Variants in LRP1 observed in about 807,000 individuals in gnomAD.
LRP1 encodes prolow-density lipoprotein receptor-related protein 1.
A neutral mutation model predicts 541.5 loss-of-function variants in LRP1; 51 were observed. The observed-to-expected ratio is 0.09, with a 90% confidence interval of 0.08 to 0.12. LRP1 has a LOEUF of 0.12. Among genes scored for constraint, LRP1 ranks in the 10% least tolerant of loss-of-function variants. The probability of loss-of-function intolerance (pLI) is 1.00; values close to 1 mark genes in which losing one functional copy is unlikely to be tolerated. For missense variants in LRP1, 3,878 were observed against 6,376.2 expected (o/e 0.61, Z 13.34); for synonymous variants, 2,219 against 2,470.8 (o/e 0.90, Z 3.02).
intron 77 of LRP1, 150 bp downstream of exon 77, chr12:57,208,366 C>A (rs902094065): frequency 2.5e-6 from 2 of 809,486 alleles, no homozygotes; most frequent in Non-Finnish European, 1.9e-6. Flanking sequence ...CTCGGCCACC[C>A]CTGCCTGGCC....
intron 42 of LRP1, among the ~76,000 whole-genome samples, chr12:57,188,399 C>T (rs772587413): frequency 1.3e-5 from 2 of 152,170 alleles, no homozygotes; most frequent in Admixed American, 6.5e-5. Context: ...GTGAGTGTCC[C>T]GAACCCAGAT....
Position 57,211,492 on chromosome 12 carries a change from C to T in LRP1, c.13097C>T (p.Thr4366Met), listed in dbSNP as rs532522583. The T allele has an allele frequency of 4.5e-5, 72 of 1,613,742 alleles. No homozygotes were observed. Among genetic ancestry groups the T allele is most frequent in the South Asian group, 1.4e-4 (13 of 91,082 alleles). The change falls in exon 85 of 89, where the codon ACG (threonine) becomes ATG (methionine). Residue 4366 changes from threonine to methionine, a missense_variant. Transcript: ENST00000243077. This position sits in a 1 kb window ranked among gnomAD's most constrained non-coding sequence, Gnocchi z 4.3. ...CCTCTGATTCCTTCCTGCAGCTGCA[C>T]GGATGGCCGGGTGGCCCCCAGCTGT... is the stretch of plus-strand genomic sequence containing the variant. The part of the protein sequence containing the change: ...KQSGDVTCNC[T>M]DGRVAPSCLT...
At chr12:57,198,731 C>G in intron 60 of LRP1, 61 bp downstream of exon 60, 1 of 1,473,520 alleles carries the variant, frequency 6.8e-7, no homozygotes, top group Non-Finnish European at 9.3e-7. Flanking sequence ...AGGTCTGAAG[C>G]GACAGGGGAT....
chr12:57,145,359 A>G lies in LRP1; in HGVS notation c.710A>G (p.Tyr237Cys). 6.2e-7 allele frequency: 1 copy of G among 1,614,172 alleles called. No individual in the cohort carries two copies. ...CAGACCACAGCCATGGACTTCAGCT[A>G]TGCCAACGAGACCGTATGCTGGGTG... The part of the protein sequence containing the change: ...TRQTTAMDFS[Y>C]ANETVCWVHV... The change falls in exon 6 of 89, where the codon TAT becomes TGT. Residue 237 changes from tyrosine to cysteine, a missense_variant. Transcript: ENST00000243077.
Position 57,176,976 on chromosome 12 carries a change from G to A in LRP1, c.3992-65G>A. The A allele has an allele frequency of 2.1e-6, 3 of 1,433,364 alleles. No homozygotes were observed. The Admixed American group carries it at 5.0e-5, about 24-fold the overall frequency. The allele number at this position is 1,433,364 out of a possible 1,614,324, so 88.8% of individuals were successfully genotyped here. ...AGGGTGGGTCATCGAGGGCTCCCAG[G>A]ATTTCACACATTCATGCACAGCTCC... On this transcript the variant is annotated intron_variant, in intron 24 of 88. Transcript: ENST00000243077.
intron 83 of LRP1, 23 bp downstream of exon 83, chr12:57,210,902 C>A: frequency 6.2e-7 from 1 of 1,600,284 alleles, no homozygotes; most frequent in Non-Finnish European, 8.5e-7. Flanking sequence ...TCCCTGGGCC[C>A]CAGGGCATGC....
At chr12:57,164,675 A>G (rs2035803500) in intron 15 of LRP1, 2 of 152,216 alleles carry the variant, frequency 1.3e-5, no homozygotes, top group South Asian at 2.1e-4. Context: ...ATTTAAACCC[A>G]TGAAGTTTGA....
rs2136703222 is a variant in LRP1, at chr12:57,179,217, G to A, written c.4739-112G>A. The A allele has an allele frequency of 8.5e-7, 1 of 1,170,270 alleles. No homozygotes were observed. Among genetic ancestry groups the A allele is most frequent in the Non-Finnish European group, 1.2e-6 (1 of 816,702 alleles). The allele number at this position is 1,170,270 out of a possible 1,614,324, so 72.5% of individuals were successfully genotyped here. On this transcript the variant is annotated intron_variant, in intron 28 of 88. Coordinates refer to ENST00000243077, the MANE Select transcript of LRP1 (RefSeq NM_002332.3). The surrounding 1 kb of genome is among the most constrained non-coding windows in gnomAD (Gnocchi z 6.8). ...GCACCCAGCGGGGTATGTCCACGGAGCCAAGGGCCAGTAGCAAACAGACGG... is the reference window on the plus strand; with the variant it reads ...GCACCCAGCGGGGTATGTCCACGGAACCAAGGGCCAGTAGCAAACAGACGG...
Position 57,205,717 on chromosome 12 carries a change from A to G in LRP1, c.11590+40A>G, listed in dbSNP as rs1302233358. On this transcript the variant is annotated intron_variant, in intron 75 of 88. Coordinates refer to ENST00000243077, the MANE Select transcript of LRP1 (RefSeq NM_002332.3). This position sits in a 1 kb window ranked among gnomAD's most constrained non-coding sequence, Gnocchi z 4.6. ...AGAGGGCAGAAAGGCTGGGTGGGGCAGGGCGACCAGGATATCAAACGGGGC... is the reference window on the plus strand; with the variant it reads ...AGAGGGCAGAAAGGCTGGGTGGGGCGGGGCGACCAGGATATCAAACGGGGC... The G allele has an allele frequency of 1.3e-6, 2 of 1,598,974 alleles. No individual in the cohort carries two copies. The highest frequency in any genetic ancestry group is 1.1e-5 in the South Asian group (1 of 90,928).
chr12:57,211,375 T>G lies in LRP1; in HGVS notation c.13091+25T>G. 3 of 1,612,392 alleles carry G rather than the reference T, an allele frequency of 1.9e-6. No individual in the cohort carries two copies. The highest frequency in any genetic ancestry group is 2.5e-6 in the Non-Finnish European group (3 of 1,179,480). ...AGTGAGTGGGGCCCTCCTCCACAGT[T>G]CCACCCAGCTGGGCCCCTGCCCTGT... is the stretch of plus-strand genomic sequence containing the variant. On this transcript the variant is annotated intron_variant, in intron 84 of 88. Coordinates refer to ENST00000243077, the MANE Select transcript of LRP1 (RefSeq NM_002332.3). The surrounding 1 kb of genome is among the most constrained non-coding windows in gnomAD (Gnocchi z 4.3).
chr12:57,140,424 A>G (rs530619907), intron 2 of LRP1, among the ~76,000 whole-genome samples: 1 of 152,262 alleles, frequency 6.6e-6, no homozygotes, highest in Non-Finnish European at 1.5e-5. Context: ...ATTTTATCCA[A>G]TGGATCCAAA....
chr12:57,182,437 G>A (rs894196152), intron 34 of LRP1, among the ~76,000 whole-genome samples: 1 of 151,588 alleles, frequency 6.6e-6, no homozygotes, highest in Non-Finnish European at 1.5e-5. Context: ...CTTGAACCGG[G>A]AAGGTTCAAG....
intron 67 of LRP1, 57 bp from the exon 68 acceptor site, chr12:57,202,364 G>A: frequency 6.0e-6 from 8 of 1,340,476 alleles, no homozygotes; most frequent in Non-Finnish European, 8.6e-6. Context: ...TGCCTGCTTG[G>A]ACCCTAATGT....
chr12:57,156,295 T>C lies in LRP1; in HGVS notation c.1417+12T>C. 1.2e-6 allele frequency: 2 copies of C among 1,613,098 alleles called. No individual in the cohort carries two copies. The highest frequency in any genetic ancestry group is 1.7e-6 in the Non-Finnish European group (2 of 1,179,536). On this transcript the variant is annotated intron_variant, in intron 9 of 88. Coordinates refer to ENST00000243077, the MANE Select transcript of LRP1 (RefSeq NM_002332.3). This position sits in a 1 kb window ranked among gnomAD's most constrained non-coding sequence, Gnocchi z 5.2. ...GCGTCAGCCCCGAGGTGAGCAGGGCTCCATGGCCCCTCCAAAGCTGGCTTT... is the reference window on the plus strand; with the variant it reads ...GCGTCAGCCCCGAGGTGAGCAGGGCCCCATGGCCCCTCCAAAGCTGGCTTT...
chr12:57,211,074 C>A lies in LRP1; in HGVS notation c.12917-102C>A, dbSNP rs1410902750. 2 of 1,421,338 alleles carry A rather than the reference C, an allele frequency of 1.4e-6. No individual in the cohort carries two copies. Among genetic ancestry groups the A allele is most frequent in the East Asian group, 2.3e-5 (1 of 43,410 alleles). The allele number at this position is 1,421,338 out of a possible 1,614,324, so 88.0% of individuals were successfully genotyped here. A position where few individuals can be genotyped will look rare whatever the true frequency, so the allele number is the denominator to read the frequency against. ...GGCACACTTCCCCTGAGGCAGTGCA[C>A]CCCCTGCACCAAGATTATGCAAACA... On this transcript the variant is annotated intron_variant, in intron 83 of 88. Transcript: ENST00000243077. This position sits in a 1 kb window ranked among gnomAD's most constrained non-coding sequence, Gnocchi z 4.3.
intron 46 of LRP1, 93 bp downstream of exon 46, chr12:57,193,397 C>T (rs1197536930): frequency 4.5e-6 from 7 of 1,548,292 alleles, no homozygotes; most frequent in East Asian, 2.3e-5. Context: ...GATCAGGACC[C>T]AGCTTCCTGA....
intron 19 of LRP1, among the ~76,000 whole-genome samples, chr12:57,168,886 C>T (rs2035889902): frequency 6.6e-6 from 1 of 152,224 alleles, no homozygotes; most frequent in South Asian, 2.1e-4. Context: ...TTTAATGTTC[C>T]CTGCACCCAG....
rs1796688434 is a variant in LRP1 at position 57,190,850 on chromosome 12, G to A, written c.7077G>A (p.Met2359Ile). 6.2e-7 allele frequency: 1 copy of A among 1,613,896 alleles called. No homozygotes were observed. Among genetic ancestry groups the A allele is most frequent in the South Asian group, 1.1e-5 (1 of 91,088 alleles). The change falls in exon 43 of 89, where the codon ATG becomes ATA. Residue 2359 changes from methionine (M) to isoleucine (I), a missense_variant. Physicochemically the swap from Met to Ile is conservative, Grantham distance 10. This residue lies in a region of LRP1 where 1,100 missense variants were observed against 1,827.4 expected (regional missense o/e 0.60). Transcript: ENST00000243077. ...GGAATGAGCAGCATCCCAGCATCAT[G>A]CGGGCGGCGCTCTCGGGAGCCAATG... ...TNWNEQHPSI[M>I]RAALSGANVL...
At position 57,205,138 on chromosome 12, in the gene LRP1, A is replaced by C; in HGVS notation, c.11224A>C (p.Lys3742Gln). 3 of 1,613,896 alleles carry C rather than the reference A, an allele frequency of 1.9e-6. No homozygotes were observed. Among genetic ancestry groups the C allele is most frequent in the Non-Finnish European group, 2.5e-6 (3 of 1,179,968 alleles). The change falls in exon 73 of 89, where the codon AAA (lysine) becomes CAA (glutamine). Residue 3742 changes from lysine to glutamine, a missense_variant. Around this residue, in one of 13 missense-constraint regions of LRP1, gnomAD observed 871 missense variants for 1,212.4 expected, o/e 0.72. Transcript: ENST00000243077. The surrounding 1 kb of genome is among the most constrained non-coding windows in gnomAD (Gnocchi z 4.6). ...CCCCACAGCCCACACCACCCACTGCAAAGACAAGAAGGAGTTTCTGTGCCG... is the reference window on the plus strand; with the variant it reads ...CCCCACAGCCCACACCACCCACTGCCAAGACAAGAAGGAGTTTCTGTGCCG... ...EPPTAHTTHCKDKKEFLCRNQ... is the reference protein window; with the variant it reads ...EPPTAHTTHCQDKKEFLCRNQ...
Sources: gnomAD v4.1 joint callset for allele counts (sites outside exome capture counted in the v4.1 genomes callset) on GRCh38, gnomAD v4.1.1 for gene constraint, gnomAD v4.1.1 regional missense constraint, Gnocchi (gnomAD v3.1) non-coding constraint, MANE v1.5 for transcripts, NCBI Gene and HGNC (gene_info 2026-07-23, HGNC 2026-07-21) for gene names.